MARK3: variants seen among roughly 807,000 people sequenced by gnomAD.
MARK3 encodes the protein microtubule affinity regulating kinase 3, also known as MAP/microtubule affinity-regulating kinase 3.
A neutral mutation model predicts 90.1 loss-of-function variants in MARK3; 46 were observed. That is an observed-to-expected ratio of 0.51 (90% CI 0.40 to 0.65). The LOEUF is 0.65. MARK3 is among the 30% of genes least tolerant of loss of function. The pLI, the probability that MARK3 is intolerant of heterozygous loss-of-function variation, is 0.00. For synonymous variants in MARK3, 321 were observed against 332.6 expected (o/e 0.97, Z 0.38); for missense variants, 818 against 947.2 (o/e 0.86, Z 1.79).
chr14:103,500,125 TTCTC>T (rs1486244120), intron 16 of MARK3, 27 bp from the exon 17 acceptor site: 5 of 1,585,878 alleles, frequency 3.2e-6, no homozygotes, highest in Non-Finnish European at 3.5e-6. Context: ...TCTTTCCCTC[TTCTC>T]TCTGCTTCTA....
At chr14:103,478,167 C>G (rs1361172198) in intron 13 of MARK3, among the ~76,000 whole-genome samples, 1 of 151,778 alleles carries the variant, frequency 6.6e-6, no homozygotes, top group African/African-American at 2.4e-5. Flanking sequence ...TGGTGGCGGG[C>G]ACCTGTAATC....
At chr14:103,472,020 CTA>C (rs2093633832) in intron 12 of MARK3, among the ~76,000 whole-genome samples, 1 of 151,770 alleles carries the variant, frequency 6.6e-6, no homozygotes, top group African/African-American at 2.4e-5. Context: ...ACCATCCTGG[CTA>C]ACATGGTGAA....
At chr14:103,424,500 T>C (rs2092334097) in intron 2 of MARK3, among the ~76,000 whole-genome samples, 1 of 149,006 alleles carries the variant, frequency 6.7e-6, no homozygotes, top group African/African-American at 2.5e-5. Context: ...CACTCCACCC[T>C]GGACAACAGA....
At chr14:103,414,854 C>T (rs779634711) in intron 2 of MARK3, among the ~76,000 whole-genome samples, 1 of 151,930 alleles carries the variant, frequency 6.6e-6, no homozygotes, top group Non-Finnish European at 1.5e-5. Context: ...TCACGAAGGC[C>T]GGGCATGGTG....
intron 12 of MARK3, among the ~76,000 whole-genome samples, chr14:103,473,934 T>G (rs898811853): frequency 6.6e-6 from 1 of 151,542 alleles, no homozygotes; most frequent in South Asian, 2.1e-4. Context: ...CAGTAGCTCA[T>G]GCCTGTAATC....
At chr14:103,496,060 G>T (rs543058378) in intron 15 of MARK3, among the ~76,000 whole-genome samples, 3 of 152,300 alleles carry the variant, frequency 2.0e-5, no homozygotes, top group African/African-American at 7.2e-5. Flanking sequence ...TTAGGATCAG[G>T]CCTGGCCTTG....
intron 1 of MARK3, 137 bp downstream of exon 1, chr14:103,386,217 GC>G: frequency 1.2e-6 from 1 of 850,682 alleles, no homozygotes; most frequent in Non-Finnish European, 2.0e-6. Context: ...CCAGGAGGCA[GC>G]CAGGTCGGAC....
chr14:103,412,418 T>A (rs2091697727), intron 2 of MARK3: 1 of 585,580 alleles, frequency 1.7e-6, no homozygotes, highest in East Asian at 3.1e-5. Flanking sequence ...TGGGATTTGC[T>A]TTATCAGAGA....
At chr14:103,485,887 T>C (rs746847215) in intron 14 of MARK3, among the ~76,000 whole-genome samples, 1 of 152,080 alleles carries the variant, frequency 6.6e-6, no homozygotes, top group East Asian at 1.9e-4. Flanking sequence ...ATATATATAT[T>C]TTTTAATTTT....
chr14:103,399,791 G>A (rs983575250), intron 1 of MARK3, among the ~76,000 whole-genome samples: 20 of 151,742 alleles, frequency 1.3e-4, no homozygotes, highest in Non-Finnish European at 2.2e-4. Context: ...ATTGGAGTTG[G>A]TGGTATTTTA....
At chr14:103,478,976 AC>A (rs1479801057) in intron 13 of MARK3, among the ~76,000 whole-genome samples, 1 of 152,198 alleles carries the variant, frequency 6.6e-6, no homozygotes, top group Non-Finnish European at 1.5e-5. Context: ...GCTACTATAA[AC>A]AATTGTGTAC....
intron 12 of MARK3, among the ~76,000 whole-genome samples, chr14:103,471,218 G>A (rs2093620293): frequency 6.6e-6 from 1 of 152,142 alleles, no homozygotes; most frequent in Admixed American, 6.6e-5. Context: ...CTGACAATGG[G>A]ATTTTCACAT....
chr14:103,427,509 A>AAAG (rs2092448856), intron 2 of MARK3, among the ~76,000 whole-genome samples: 2 of 150,868 alleles, frequency 1.3e-5, no homozygotes, highest in African/African-American at 4.9e-5. Flanking sequence ...AAAAAAAAAA[A>AAAG]AAAAGAAACA....
At chr14:103,405,726 C>T (rs986774853) in intron 2 of MARK3, among the ~76,000 whole-genome samples, 11 of 150,702 alleles carry the variant, frequency 7.3e-5, no homozygotes, top group African/African-American at 1.7e-4. Flanking sequence ...GGATTACAGG[C>T]GCACACCACC....
chr14:103,466,087 T>A lies in MARK3; in HGVS notation c.893T>A (p.Leu298Gln). 1.2e-6 allele frequency: 2 copies of A among 1,613,432 alleles called. No individual in the cohort carries two copies. Among genetic ancestry groups the A allele is most frequent in the Non-Finnish European group, 1.7e-6 (2 of 1,179,846 alleles). The change falls in exon 9 of 18, where the codon CTA becomes CAA. Residue 298 changes from leucine to glutamine, a missense_variant. This residue lies in a region of MARK3 where 560 missense variants were observed against 613.5 expected (regional missense o/e 0.91). Transcript: ENST00000429436. ...LVLNPIKRGTLEQIMKDRWIN... is the reference protein window; with the variant it reads ...LVLNPIKRGTQEQIMKDRWIN... The stretch of plus-strand genomic sequence containing the variant: ...CTAAATCCAATTAAACGCGGCACTC[T>A]AGAGGTAATCATGTAGGTGGAAACA...
intron 3 of MARK3, among the ~76,000 whole-genome samples, chr14:103,433,994 G>A (rs971932027): frequency 1.3e-5 from 2 of 152,194 alleles, no homozygotes; most frequent in South Asian, 2.1e-4. Flanking sequence ...TGAGTTTCCC[G>A]TTTCAGCATG....
intron 12 of MARK3, among the ~76,000 whole-genome samples, chr14:103,470,455 ATTT>A (rs6145477): frequency 3.6e-5 from 2 of 55,050 alleles, no homozygotes; most frequent in African/African-American, 1.1e-4. Context: ...AACTAAATCT[ATTT>A]TTTTTTTTTT....
chr14:103,451,963 T>C lies in MARK3; in HGVS notation c.392T>C (p.Ile131Thr). 1 of 1,611,536 alleles carries C rather than the reference T, an allele frequency of 6.2e-7. No homozygotes were observed. ...GAAACTGAAAAAACACTCTACCTAA[T>C]CATGGAATATGCAAGTGGAGGTAAG... ...VIETEKTLYL[I>T]MEYASGGEVF... The change falls in exon 5 of 18, where the codon ATC becomes ACC. Residue 131 changes from isoleucine (I) to threonine (T), a missense_variant. Transcript: ENST00000429436.
intron 1 of MARK3, among the ~76,000 whole-genome samples, chr14:103,400,943 TTGTGTGTGTGTGTGTGTGTG>T (rs61635275): frequency 5.7e-5 from 7 of 123,548 alleles, no homozygotes; most frequent in Non-Finnish European, 1.1e-4. Flanking sequence ...ATATAACATT[TTGTGTGTGTGTGTGTGTGTG>T]TGTGTGTGTG....
Sources: gnomAD v4.1 joint callset for allele counts (sites outside exome capture counted in the v4.1 genomes callset) on GRCh38, gnomAD v4.1.1 for gene constraint, gnomAD v4.1.1 regional missense constraint, MANE v1.5 for transcripts, NCBI Gene and HGNC (gene_info 2026-07-23, HGNC 2026-07-21) for gene names.